Variants in PRKCI observed in about 807,000 individuals in gnomAD.
The protein encoded by PRKCI is protein kinase C iota type.
A neutral mutation model predicts 84.0 loss-of-function variants in PRKCI; 43 were observed. The observed-to-expected ratio is 0.51, with a 90% CI of 0.40 to 0.66. The LOEUF is 0.66. Ranked by LOEUF, PRKCI falls within the 30% of genes least tolerant of loss-of-function variation. The probability of loss-of-function intolerance (pLI) is 0.00; values close to 1 mark genes in which losing one functional copy is unlikely to be tolerated. For missense variants in PRKCI, 459 were observed against 745.6 expected (o/e 0.62, Z 4.48); for synonymous variants, 216 against 234.4 (o/e 0.92, Z 0.72).
chr3:170,303,116 G>A lies in PRKCI; in HGVS notation c.1780G>A (p.Glu594Lys), dbSNP rs775797042. Residue 594 changes from glutamate (E) to lysine (K), a missense_variant, in exon 18 of 18, where the codon GAA (glutamate) becomes AAA (lysine). Transcript: ENST00000295797. The part of the protein sequence containing the change: ...YINPLLMSAE[E>K]CV ...CAATCCTCTTTTGATGTCTGCAGAA[G>A]AATGTGTCTGATCCTCATTTTTCAA... is the stretch of plus-strand genomic sequence containing the variant. 1 of 1,599,356 alleles carries A rather than the reference G, an allele frequency of 6.3e-7. No individual in the cohort carries two copies. The highest frequency in any genetic ancestry group is 1.3e-5 in the African/African-American group (1 of 74,386).
intron 13 of PRKCI, 85 bp downstream of exon 13, chr3:170,292,026 GC>G (rs774933569): frequency 5.6e-6 from 5 of 893,318 alleles, no homozygotes; most frequent in Non-Finnish European, 7.4e-6. Flanking sequence ...GTACACTAAT[GC>G]ATTTTGACGT....
At chr3:170,302,980 C>T in intron 17 of PRKCI, 60 bp from the exon 18 acceptor site, 9 of 1,178,828 alleles carry the variant, frequency 7.6e-6, no homozygotes, top group South Asian at 1.4e-5. Flanking sequence ...CTTATTTTAC[C>T]ATTTAAAGGT....
intron 1 of PRKCI, among the ~76,000 whole-genome samples, chr3:170,229,782 A>G (rs1383229907): frequency 2.0e-5 from 3 of 152,202 alleles, no homozygotes; most frequent in Non-Finnish European, 4.4e-5. Context: ...TACATTCTTA[A>G]CAACAGGACT....
chr3:170,245,547 G>C (rs1733254521), intron 2 of PRKCI, among the ~76,000 whole-genome samples: 1 of 152,012 alleles, frequency 6.6e-6, no homozygotes, highest in South Asian at 2.1e-4. Context: ...TCCAGTATCT[G>C]GGAAGGTCTG....
chr3:170,266,224 T>TCC (rs1733853743), intron 4 of PRKCI, among the ~76,000 whole-genome samples: 2 of 152,178 alleles, frequency 1.3e-5, no homozygotes, highest in African/African-American at 4.8e-5. Flanking sequence ...AACATATTAA[T>TCC]ATAAAGACCA....
chr3:170,277,281 A>G (rs1734139451), intron 8 of PRKCI, among the ~76,000 whole-genome samples: 1 of 151,834 alleles, frequency 6.6e-6, no homozygotes, highest in South Asian at 2.1e-4. Context: ...AAGGACATGA[A>G]CAGACATATC....
intron 2 of PRKCI, among the ~76,000 whole-genome samples, chr3:170,251,887 G>T (rs940015140): frequency 6.6e-6 from 1 of 150,432 alleles, no homozygotes; most frequent in Admixed American, 6.7e-5. Flanking sequence ...TCCAGCCTGG[G>T]CAACAACAAG....
At chr3:170,295,281 G>A (rs958291149) in intron 14 of PRKCI, among the ~76,000 whole-genome samples, 4 of 152,074 alleles carry the variant, frequency 2.6e-5, no homozygotes, top group African/African-American at 9.7e-5. Flanking sequence ...CCAGCACTTT[G>A]GGAGTCCAAG....
intron 2 of PRKCI, among the ~76,000 whole-genome samples, chr3:170,242,426 G>A (rs1733157775): frequency 6.7e-6 from 1 of 148,464 alleles, no homozygotes; most frequent in Non-Finnish European, 1.5e-5. Flanking sequence ...GGACCACAGA[G>A]TGAGACCCCA....
chr3:170,295,819 T>C, intron 14 of PRKCI, 92 bp from the exon 15 acceptor site: 1 of 676,430 alleles, frequency 1.5e-6, no homozygotes. Flanking sequence ...CACTCCAACC[T>C]GGGCAACAGA....
At chr3:170,243,768 A>G (rs763724932) in intron 2 of PRKCI, among the ~76,000 whole-genome samples, 15 of 152,298 alleles carry the variant, frequency 9.8e-5, no homozygotes, top group Non-Finnish European at 1.9e-4. Flanking sequence ...ACTGTATTCC[A>G]ATTAGAAGAT....
intron 2 of PRKCI, among the ~76,000 whole-genome samples, chr3:170,245,485 A>G (rs1419139763): frequency 6.6e-6 from 1 of 152,026 alleles, no homozygotes; most frequent in Non-Finnish European, 1.5e-5. Flanking sequence ...GAGGCAAGAG[A>G]GGCTATGGGG....
intron 5 of PRKCI, 27 bp from the exon 6 acceptor site, chr3:170,270,394 A>G: frequency 6.4e-7 from 1 of 1,571,564 alleles, no homozygotes; most frequent in Non-Finnish European, 8.7e-7. Flanking sequence ...CTTGGTTAAT[A>G]AAATATTGTT....
intron 2 of PRKCI, among the ~76,000 whole-genome samples, chr3:170,257,481 T>C (rs1182317679): frequency 6.6e-6 from 1 of 152,104 alleles, no homozygotes; most frequent in Non-Finnish European, 1.5e-5. Flanking sequence ...AGTTGTTTCA[T>C]TATAAAAGAT....
rs189154169 is a variant in PRKCI, at chr3:170,280,801, C to T, written c.883-365C>T. On this transcript the variant is annotated intron_variant, in intron 9 of 17. Transcript: ENST00000295797. ...TATGTTTGTGCTTTATTATCTCATTCTGCTTTTCTAAATATGTGCTAAGTA... is the reference window on the plus strand; with the variant it reads ...TATGTTTGTGCTTTATTATCTCATTTTGCTTTTCTAAATATGTGCTAAGTA... Among the ~76,000 whole-genome samples, 200 of 152,216 alleles carry T rather than the reference C, an allele frequency of 1.3e-3. 2 individuals carry two copies. The highest frequency in any genetic ancestry group is 0.012 in the Admixed American group (178 of 15,284).
At chr3:170,267,550 G>A (rs113065348) in intron 4 of PRKCI, among the ~76,000 whole-genome samples, 61 of 151,802 alleles carry the variant, frequency 4.0e-4, no homozygotes, top group African/African-American at 1.4e-3. Context: ...GTGCATCTCT[G>A]TAATCTCAGC....
At position 170,282,363 on chromosome 3, in the gene PRKCI, C is replaced by A. The variant is rs1226624599; in HGVS notation, c.1067+395C>A. 2.0e-5 allele frequency among the ~76,000 whole-genome samples: 3 copies of A among 152,208 alleles called. No individual in the cohort carries two copies. The East Asian group carries it at 5.8e-4, about 29-fold the overall frequency. On this transcript the variant is annotated intron_variant, in intron 11 of 17. Coordinates refer to ENST00000295797, the MANE Select transcript of PRKCI (RefSeq NM_002740.6). ...TGTAGTGGTCTCTCAGAGAGTTCTTCACGATAAGAGTGCTATTCATACATA... is the reference window on the plus strand; with the variant it reads ...TGTAGTGGTCTCTCAGAGAGTTCTTAACGATAAGAGTGCTATTCATACATA...
chr3:170,288,748 C>T (rs1337877375), intron 12 of PRKCI, among the ~76,000 whole-genome samples: 1 of 152,132 alleles, frequency 6.6e-6, no homozygotes, highest in Admixed American at 6.5e-5. Context: ...CAGAGTGAGA[C>T]TCCGCCTCAA....
intron 1 of PRKCI, among the ~76,000 whole-genome samples, chr3:170,225,688 G>A (rs1171129766): frequency 6.6e-6 from 1 of 151,362 alleles, no homozygotes; most frequent in Non-Finnish European, 1.5e-5. Context: ...GATTACAGGT[G>A]TGAGCCACTG....
Sources: gnomAD v4.1 joint callset for allele counts (sites outside exome capture counted in the v4.1 genomes callset) on GRCh38, gnomAD v4.1.1 for gene constraint, MANE v1.5 for transcripts, NCBI Gene and HGNC (gene_info 2026-07-23, HGNC 2026-07-21) for gene names.